The following DNAH8 variants were observed in gnomAD, a reference collection of about 807,000 sequenced individuals.
DNAH8 encodes axonemal beta dynein heavy chain 8.
A neutral mutation model predicts 562.1 loss-of-function variants in DNAH8; 382 were observed. The observed-to-expected ratio is 0.68, with a 90% CI of 0.63 to 0.74. The LOEUF is 0.74. Ranked by LOEUF, DNAH8 falls within the 30% of genes least tolerant of loss-of-function variation. The pLI is 0.00. For missense variants in DNAH8, 5,203 were observed against 5,620.4 expected, an observed-to-expected ratio of 0.93 and a Z score of 2.37; for synonymous variants, 1,881 against 1,919.4, an observed-to-expected ratio of 0.98 and a Z score of 0.52.
At chr6:38,855,965 T>C (rs1678638) in intron 41 of DNAH8, among the ~76,000 whole-genome samples, 102,683 of 152,048 alleles carry the variant, frequency 0.68, 35,124 homozygotes, top group East Asian at 0.84. Context: ...AAGCATCCTG[T>C]GACCCCCGTC....
At chr6:38,893,876 C>T (rs1003715735) in intron 58 of DNAH8, among the ~76,000 whole-genome samples, 1 of 152,140 alleles carries the variant, frequency 6.6e-6, no homozygotes, top group Admixed American at 6.5e-5. Flanking sequence ...AAAAATGATG[C>T]TAATGATATC....
intron 45 of DNAH8, among the ~76,000 whole-genome samples, chr6:38,866,082 T>G (rs375978179): frequency 3.3e-5 from 5 of 152,302 alleles, no homozygotes; most frequent in African/African-American, 9.6e-5. Context: ...TTCCCCTCAC[T>G]GCCATCTTTA....
chr6:38,867,752 CAAA>C lies in DNAH8; in HGVS notation c.6694-292_6694-290del, dbSNP rs68060910. Among the ~76,000 whole-genome samples the C allele has an allele frequency of 0.3, 26,201 of 87,402 alleles. 2,038 individuals carry two copies. The highest frequency in any genetic ancestry group is 0.54 in the East Asian group (1,879 of 3,512). The allele number at this position is 87,402 out of a possible 152,430, so 57.3% of individuals were successfully genotyped here. A position where few individuals can be genotyped will look rare whatever the true frequency, so the allele number is the denominator to read the frequency against. ...TGGATGACAGAGTGAGACTCCATCT[CAAA>C]AAAAAAAAAAAAAAAAACAAAAAAG... On this transcript the variant is annotated intron_variant, in intron 47 of 92. Coordinates refer to ENST00000327475, the MANE Select transcript of DNAH8 (RefSeq NM_001206927.2).
chr6:38,904,082 T>A (rs1780267083), intron 62 of DNAH8, among the ~76,000 whole-genome samples: 1 of 152,206 alleles, frequency 6.6e-6, no homozygotes, highest in Admixed American at 6.5e-5. Context: ...TCTTTGTCTT[T>A]TTTACTTTTA....
At chr6:38,826,938 A>G (rs1773382844) in intron 29 of DNAH8, among the ~76,000 whole-genome samples, 2 of 152,102 alleles carry the variant, frequency 1.3e-5, no homozygotes, top group Non-Finnish European at 2.9e-5. Context: ...AACAACACAG[A>G]TCGTTTATTT....
intron 9 of DNAH8, among the ~76,000 whole-genome samples, chr6:38,755,747 C>G (rs892538841): frequency 1.3e-5 from 2 of 152,150 alleles, no homozygotes; most frequent in African/African-American, 4.8e-5. Context: ...TACCCAGTTT[C>G]TCCTGTTAAC....
intron 20 of DNAH8, 130 bp from the exon 21 acceptor site, chr6:38,791,425 T>C: frequency 8.7e-7 from 1 of 1,145,096 alleles, no homozygotes. Flanking sequence ...CACCAAATTA[T>C]GCTTGGCTCA....
In DNAH8 at chr6:38,896,066, T is replaced by G; in HGVS notation, c.8781T>G (p.Asn2927Lys). Residue 2927 changes from asparagine (N) to lysine (K), a missense_variant, in exon 60 of 93, where the codon AAT (asparagine) becomes AAG (lysine). Asn to Lys is a moderately conservative substitution (Grantham distance 94, BLOSUM62 0). Transcript: ENST00000327475. ...CTCCTGAAGATGAGCAGTGGTTTAATGCACATCTTACTCGTGCAGTTGAAG... is the reference window on the plus strand; with the variant it reads ...CTCCTGAAGATGAGCAGTGGTTTAAGGCACATCTTACTCGTGCAGTTGAAG... ...FITPEDEQWF[N>K]AHLTRAVEEN... The G allele has an allele frequency of 6.2e-7, 1 of 1,614,006 alleles. No homozygotes were observed.
chr6:38,720,011 G>A (rs1762622378), intron 1 of DNAH8, among the ~76,000 whole-genome samples: 1 of 152,116 alleles, frequency 6.6e-6, no homozygotes, highest in Non-Finnish European at 1.5e-5. Context: ...GTACCACAGA[G>A]AAGTGAAAAA....
chr6:38,895,477 T>C (rs914607159), intron 59 of DNAH8, among the ~76,000 whole-genome samples: 12 of 152,230 alleles, frequency 7.9e-5, no homozygotes, highest in Non-Finnish European at 1.6e-4. Context: ...TTTTGTGAGC[T>C]CTTTGTAGGT....
intron 29 of DNAH8, among the ~76,000 whole-genome samples, chr6:38,827,269 T>C (rs1233336092): frequency 6.6e-6 from 1 of 152,214 alleles, no homozygotes. Flanking sequence ...CTTAACATAA[T>C]CATATCTGCA....
chr6:38,810,637 T>C (rs2150312127), intron 24 of DNAH8, among the ~76,000 whole-genome samples: 1 of 152,284 alleles, frequency 6.6e-6, no homozygotes, highest in Admixed American at 6.5e-5. Context: ...GTTTTGCAGT[T>C]TTCTAGTCTT....
intron 45 of DNAH8, among the ~76,000 whole-genome samples, chr6:38,864,498 G>A (rs1776890897): frequency 6.6e-6 from 1 of 152,126 alleles, no homozygotes; most frequent in African/African-American, 2.4e-5. Context: ...AGGAGGCCAG[G>A]GCTGCTTTGT....
intron 62 of DNAH8, among the ~76,000 whole-genome samples, chr6:38,901,995 G>A (rs967909221): frequency 1.3e-5 from 2 of 152,146 alleles, no homozygotes; most frequent in Non-Finnish European, 2.9e-5. Context: ...GATGGGACAT[G>A]CAATCCTCCA....
chr6:38,913,908 G>T lies in DNAH8; in HGVS notation c.9919G>T (p.Val3307Phe). ...SVAKLSQDLA[V>F]KEKELAVASI... ...TGCTAAACTCTCTCAGGATCTTGCA[G>T]TCAAGGAGAAGGAGTTGGCAGTGGC... Residue 3307 changes from valine to phenylalanine, a missense_variant, in exon 67 of 93, where the codon GTC (valine) becomes TTC (phenylalanine). Physicochemically the swap from Val to Phe is conservative, Grantham distance 50. This residue lies in a region of DNAH8 where 977 missense variants were observed against 1,061.8 expected (regional missense o/e 0.92). Coordinates refer to ENST00000327475, the MANE Select transcript of DNAH8 (RefSeq NM_001206927.2). 1.2e-6 allele frequency: 2 copies of T among 1,613,426 alleles called. No homozygotes were observed. Among genetic ancestry groups the T allele is most frequent in the Non-Finnish European group, 8.5e-7 (1 of 1,179,558 alleles).
intron 60 of DNAH8, among the ~76,000 whole-genome samples, chr6:38,896,607 AAAAAAAC>A (rs1427707465): frequency 1.2e-4 from 18 of 151,072 alleles, no homozygotes; most frequent in Admixed American, 2.6e-4. Context: ...ACAAACAAAC[AAAAAAAC>A]AAAAAAGAGA....
In DNAH8 at chr6:39,022,768, C is replaced by G. The variant is rs190670436; in HGVS notation, c.13715-3778C>G. Among the ~76,000 whole-genome samples the G allele has an allele frequency of 4.1e-4, 62 of 152,310 alleles. 1 individual carries two copies. The highest frequency in any genetic ancestry group is 5.9e-5 in the Non-Finnish European group (4 of 68,030). Reference sequence around the variant, plus strand: ...GAACAGAAGGGCCTGGGAGGGAGGGCCACACCCCTGCAGTCTTGCTGTGCT... The same window carrying G: ...GAACAGAAGGGCCTGGGAGGGAGGGGCACACCCCTGCAGTCTTGCTGTGCT... On this transcript the variant is annotated intron_variant, in intron 91 of 92. Coordinates refer to ENST00000327475, the MANE Select transcript of DNAH8 (RefSeq NM_001206927.2).
rs70981599 is a variant in DNAH8, at chr6:38,932,183, AAC to A, written c.11457+223_11457+224del. ...TAACTCATCTTCTCATCCAGCCTGA[AAC>A]ACACACACACACACACACACACACA... On this transcript the variant is annotated intron_variant, in intron 76 of 92. Transcript: ENST00000327475. 3.5e-4 allele frequency among the ~76,000 whole-genome samples: 49 copies of A among 139,842 alleles called. No individual in the cohort carries two copies. The South Asian group carries it at 4.7e-3, about 13-fold the overall frequency. The allele number at this position is 139,842 out of a possible 152,430, so 91.7% of individuals were successfully genotyped here.
intron 14 of DNAH8, 97 bp from the exon 15 acceptor site, chr6:38,779,869 A>C: frequency 8.5e-7 from 1 of 1,178,530 alleles, no homozygotes; most frequent in Admixed American, 1.9e-5. Context: ...GCTGGTATGA[A>C]TATTTGTCAA....
Sources: allele counts gnomAD v4.1 joint callset (sites outside exome capture counted in the v4.1 genomes callset), GRCh38; gene constraint gnomAD v4.1.1; regional missense constraint gnomAD v4.1.1; transcripts MANE v1.5; gene names NCBI Gene and HGNC (gene_info 2026-07-23, HGNC 2026-07-21).